NFATC2: variants seen among roughly 807,000 people sequenced by gnomAD.
NFATC2 encodes the protein nuclear factor of activated T cells 2.
Under a neutral mutation model 87.3 loss-of-function variants are expected in NFATC2, and 22 were observed. The observed-to-expected ratio is 0.25, with a 90% CI of 0.18 to 0.36. The LOEUF (loss-of-function observed/expected upper bound fraction) is 0.36, where lower values mean the gene tolerates loss of function less well. NFATC2 is among the 10% of genes least tolerant of loss of function. The pLI is 1.00. For synonymous variants in NFATC2, 565 were observed against 542.2 expected (o/e 1.04, Z -0.58); for missense variants, 1,149 against 1,259.1 (o/e 0.91, Z 1.32).
intron 3 of NFATC2, among the ~76,000 whole-genome samples, chr20:51,513,414 G>C (rs1178834883): frequency 6.6e-6 from 1 of 152,220 alleles, no homozygotes; most frequent in Non-Finnish European, 1.5e-5. Context: ...AGAAATTCAA[G>C]GCAGCAGTGA....
chr20:51,452,070 G>A (rs1191466769), intron 6 of NFATC2, among the ~76,000 whole-genome samples: 2 of 152,158 alleles, frequency 1.3e-5, no homozygotes, highest in East Asian at 3.8e-4. Flanking sequence ...GTTGGGGACT[G>A]CTGGTGCAGA....
Position 51,432,006 on chromosome 20 carries a change from C to T in NFATC2, c.2722+61G>A. On this transcript the variant is annotated intron_variant, in intron 9 of 10. Coordinates refer to ENST00000371564, the MANE Select transcript of NFATC2 (RefSeq NM_012340.5). The surrounding 1 kb of genome is among the most constrained non-coding windows in gnomAD (Gnocchi z 4.6). Reference sequence around the variant, plus strand: ...ATCCGTAGGCCATGCAGTGAACTTCCTGGGCAGAGATGCTTCAGGGCACCA... The same window carrying T: ...ATCCGTAGGCCATGCAGTGAACTTCTTGGGCAGAGATGCTTCAGGGCACCA... 6.8e-7 allele frequency: 1 copy of T among 1,481,284 alleles called. No individual in the cohort carries two copies. The highest frequency in any genetic ancestry group is 9.0e-7 in the Non-Finnish European group (1 of 1,107,816). The allele number at this position is 1,481,284 out of a possible 1,614,324, so 91.8% of individuals were successfully genotyped here. A position where few individuals can be genotyped will look rare whatever the true frequency, so the allele number is the denominator to read the frequency against.
intron 5 of NFATC2, among the ~76,000 whole-genome samples, chr20:51,461,206 T>G (rs552005203): frequency 6.6e-6 from 1 of 152,258 alleles, no homozygotes; most frequent in South Asian, 2.1e-4. Context: ...GGGTGACAGG[T>G]CCAGGGTGGG....
intron 5 of NFATC2, among the ~76,000 whole-genome samples, chr20:51,471,913 A>G (rs1988239685): frequency 6.6e-6 from 1 of 152,216 alleles, no homozygotes; most frequent in African/African-American, 2.4e-5. Context: ...ACCATGGCAC[A>G]TGTTTACCTG....
intron 3 of NFATC2, among the ~76,000 whole-genome samples, chr20:51,500,670 CTCACCACCA>C: frequency 9.0e-6 from 1 of 110,968 alleles, no homozygotes; most frequent in Non-Finnish European, 1.9e-5. Context: ...CACCCCCACC[CTCACCACCA>C]CCCCACTCCC....
At chr20:51,434,924 C>T (rs572099107) in intron 8 of NFATC2, among the ~76,000 whole-genome samples, 1 of 152,182 alleles carries the variant, frequency 6.6e-6, no homozygotes, top group East Asian at 1.9e-4. Context: ...CTTCTATTCC[C>T]CCTTCCCCTA....
At position 51,516,927 on chromosome 20, in the gene NFATC2, G is replaced by A. The variant is rs1208165281; in HGVS notation, c.1189C>T (p.Leu397Phe). ...SIPVTASLPPLEWPLSSQSGS... is the reference protein window; with the variant it reads ...SIPVTASLPPFEWPLSSQSGS... Reference sequence around the variant, plus strand: ...GACTGACTGGACAGCGGCCACTCAAGTGGAGGGAGGGATGCAGTCACTGGG... The same window carrying A: ...GACTGACTGGACAGCGGCCACTCAAATGGAGGGAGGGATGCAGTCACTGGG... Residue 397 changes from leucine to phenylalanine, a missense_variant, in exon 3 of 11, where the codon CTT becomes TTT. Physicochemically the swap from Leu to Phe is conservative, Grantham distance 22 (BLOSUM62 0). This residue lies in a region of NFATC2 where 563 missense variants were observed against 585.2 expected (regional missense o/e 0.96). Coordinates refer to ENST00000371564, the MANE Select transcript of NFATC2 (RefSeq NM_012340.5). 1 of 1,613,828 alleles carries A rather than the reference G, an allele frequency of 6.2e-7. No homozygotes were observed. The highest frequency in any genetic ancestry group is 8.5e-7 in the Non-Finnish European group (1 of 1,179,898).
chr20:51,446,854 C>T lies in NFATC2; in HGVS notation c.1849+7694G>A, dbSNP rs1985126342. On this transcript the variant is annotated intron_variant, in intron 6 of 10. Transcript: ENST00000371564. ...CCACTGACACCAGGGACATGAGTCACAGAGGGCAAAGGTCCGGAGAGCCTT... is the reference window on the plus strand; with the variant it reads ...CCACTGACACCAGGGACATGAGTCATAGAGGGCAAAGGTCCGGAGAGCCTT... Among the ~76,000 whole-genome samples, 7 of 152,204 alleles carry T rather than the reference C, an allele frequency of 4.6e-5. No individual in the cohort carries two copies. In the South Asian group the frequency reaches 1.4e-3, roughly 31 times the overall value.
intron 1 of NFATC2, among the ~76,000 whole-genome samples, chr20:51,557,240 G>T (rs768546295): frequency 6.6e-6 from 1 of 152,138 alleles, no homozygotes; most frequent in Non-Finnish European, 1.5e-5. Context: ...TGGCCTTAGG[G>T]TACACATCCA....
At chr20:51,562,791 C>G (rs752370283), upstream of NFATC2, 4 of 579,288 alleles carry the variant, frequency 6.9e-6, no homozygotes, top group Non-Finnish European at 1.2e-5. The surrounding 1 kb of genome is among the most constrained non-coding windows in gnomAD (Gnocchi z 5.8). Flanking sequence ...GCTCCCGGCT[C>G]GGCGGAGTCG....
rs975333883 is a variant in NFATC2, at chr20:51,417,400, T to G, written c.2722+14667A>C. On this transcript the variant is annotated intron_variant, in intron 9 of 10. Transcript: ENST00000371564. ...TTCCATGACGCCGCCGTCATTACTCTCAACCACACCAGACCTCTCTCTGTC... is the reference window on the plus strand; with the variant it reads ...TTCCATGACGCCGCCGTCATTACTCGCAACCACACCAGACCTCTCTCTGTC... Among the ~76,000 whole-genome samples the G allele has an allele frequency of 2.6e-5, 4 of 152,202 alleles. 1 individual carries two copies.
chr20:51,523,537 T>TGGCG lies in NFATC2; in HGVS notation c.700_703dup (p.His235ProfsTer95). ...GGAGGCCGGACGGGGCACGGGCGAG[T>TGGCG]GGCGGCCCAGGCAGCTGTCCTCGGC... is the stretch of plus-strand genomic sequence containing the variant. On this transcript the variant is annotated frameshift_variant, in exon 2 of 11. Coordinates refer to ENST00000371564, the MANE Select transcript of NFATC2 (RefSeq NM_012340.5). LOFTEE classifies it high-confidence loss of function. The surrounding 1 kb of genome is among the most constrained non-coding windows in gnomAD (Gnocchi z 6.9). 6.2e-7 allele frequency: 1 copy of TGGCG among 1,612,800 alleles called. No individual in the cohort carries two copies. Among genetic ancestry groups the TGGCG allele is most frequent in the Non-Finnish European group, 8.5e-7 (1 of 1,179,540 alleles).
rs1277095275 is a variant in NFATC2 at position 51,388,786 on chromosome 20, AACTTAGATGTAGCAGTGCAAAC to A, written c.*2688_*2709del. On this transcript the variant is annotated 3_prime_UTR_variant, in exon 11 of 11. Transcript: ENST00000371564. ...TGTCAGAGTGCTACATATTTACATT[AACTTAGATGTAGCAGTGCAAAC>A]CTTCACTCAACTGAGATCCTTCTAA... 6 of 152,346 alleles carry A rather than the reference AACTTAGATGTAGCAGTGCAAAC, an allele frequency of 3.9e-5. No homozygotes were observed. Among genetic ancestry groups the A allele is most frequent in the African/African-American group, 1.4e-4 (6 of 41,580 alleles). The allele number at this position is 152,346 out of a possible 1,614,324, so 9.4% of individuals were successfully genotyped here.
At chr20:51,517,956 G>C (rs140216265) in intron 2 of NFATC2, among the ~76,000 whole-genome samples, 1 of 151,662 alleles carries the variant, frequency 6.6e-6, no homozygotes, top group Non-Finnish European at 1.5e-5. Context: ...ATAATCTTAC[G>C]GGACCACCCC....
At chr20:51,406,471 C>T (rs990000387) in intron 9 of NFATC2, among the ~76,000 whole-genome samples, 7 of 152,284 alleles carry the variant, frequency 4.6e-5, no homozygotes, top group East Asian at 3.9e-4. Context: ...TTGGCCCCCT[C>T]GGGACCACTA....
rs955688107 is a variant in NFATC2, at chr20:51,433,000, G to A, written c.2033-244C>T. On this transcript the variant is annotated intron_variant, in intron 8 of 10. Coordinates refer to ENST00000371564, the MANE Select transcript of NFATC2 (RefSeq NM_012340.5). This position sits in a 1 kb window ranked among gnomAD's most constrained non-coding sequence, Gnocchi z 4.6. ...TTTTTCCAATATTGGAAAGGTGGCT[G>A]GTAGGTCTGACTCAGCCCTGGGATG... Among the ~76,000 whole-genome samples, 1 of 152,100 alleles carries A rather than the reference G, an allele frequency of 6.6e-6. No individual in the cohort carries two copies. The highest frequency in any genetic ancestry group is 2.4e-5 in the African/African-American group (1 of 41,404).
At chr20:51,489,552 C>G (rs968029845) in intron 3 of NFATC2, among the ~76,000 whole-genome samples, 5 of 152,194 alleles carry the variant, frequency 3.3e-5, no homozygotes, top group Non-Finnish European at 7.3e-5. Context: ...GTCCCCCACT[C>G]CTTCATTCAA....
chr20:51,558,764 C>T (rs1188241528), intron 1 of NFATC2, among the ~76,000 whole-genome samples: 1 of 152,148 alleles, frequency 6.6e-6, no homozygotes, highest in African/African-American at 2.4e-5. Context: ...CTGGTTGTTA[C>T]ATTTACTAAA....
At chr20:51,481,024 G>A (rs1357889453) in intron 3 of NFATC2, among the ~76,000 whole-genome samples, 1 of 152,134 alleles carries the variant, frequency 6.6e-6, no homozygotes, top group Non-Finnish European at 1.5e-5. Flanking sequence ...GGAAAGAGGG[G>A]CCAGGTGAAG....
Sources: gnomAD v4.1 joint callset for allele counts (sites outside exome capture counted in the v4.1 genomes callset) on GRCh38, gnomAD v4.1.1 for gene constraint, gnomAD v4.1.1 regional missense constraint, Gnocchi (gnomAD v3.1) non-coding constraint, MANE v1.5 for transcripts, NCBI Gene and HGNC (gene_info 2026-07-23, HGNC 2026-07-21) for gene names.